The following IRGM variants were observed in gnomAD, a reference collection of about 807,000 sequenced individuals.
The protein encoded by IRGM is immunity related GTPase M, also known as immunity-related GTPase family M protein.
For missense variants in IRGM, 288 were observed against 219.9 expected, an observed-to-expected ratio of 1.31 and a Z score of -1.96; for synonymous variants, 98 against 80.6, an observed-to-expected ratio of 1.22 and a Z score of -1.16.
chr5:150,868,297 T>C (rs1450096706), intron 1 of IRGM, among the ~76,000 whole-genome samples: 2 of 152,302 alleles, frequency 1.3e-5, no homozygotes, highest in East Asian at 3.9e-4. Flanking sequence ...TTTGGGTTTA[T>C]TTCTGGGTTC....
At chr5:150,878,138 A>G in intron 2 of IRGM, 1 of 416,832 alleles carries the variant, frequency 2.4e-6, no homozygotes, top group South Asian at 1.7e-5. Flanking sequence ...ATCTTCACTG[A>G]TTTTAGTAAG....
At chr5:150,879,299 G>C (rs1436545980) in intron 2 of IRGM, among the ~76,000 whole-genome samples, 1 of 152,116 alleles carries the variant, frequency 6.6e-6, no homozygotes, top group Non-Finnish European at 1.5e-5. Flanking sequence ...TGTAGATGAG[G>C]TCTGTATTAC....
chr5:150,892,288 A>G (rs2113300937), intron 3 of IRGM, among the ~76,000 whole-genome samples: 1 of 144,234 alleles, frequency 6.9e-6, no homozygotes, highest in Middle Eastern at 3.4e-3. Flanking sequence ...GAACCAATTC[A>G]GAAAACGGTG....
intron 1 of IRGM, 38 bp downstream of exon 1, chr5:150,847,258 G>A: frequency 6.6e-6 from 1 of 152,540 alleles, no homozygotes; most frequent in South Asian, 2.1e-4. Context: ...CTTCAAGTAA[G>A]CAATGGGAAT....
intron 1 of IRGM, among the ~76,000 whole-genome samples, chr5:150,864,988 C>A (rs1026211450): frequency 1.3e-5 from 2 of 152,190 alleles, no homozygotes; most frequent in African/African-American, 2.4e-5. Flanking sequence ...CTTCACAGAC[C>A]ATTTCCCATC....
chr5:150,895,607 T>C (rs1754728972), intron 3 of IRGM: 3 of 1,613,380 alleles, frequency 1.9e-6, no homozygotes, highest in Non-Finnish European at 2.5e-6. Context: ...GTTTCTCTCC[T>C]GTATGAATTC....
intron 3 of IRGM, among the ~76,000 whole-genome samples, chr5:150,893,000 C>A (rs115800274): frequency 2.8e-4 from 43 of 152,022 alleles, no homozygotes; most frequent in Non-Finnish European, 5.4e-4. Flanking sequence ...TAGATCACAG[C>A]GTTTTTTTAT....
intron 1 of IRGM, among the ~76,000 whole-genome samples, chr5:150,856,914 T>TTCA (rs150421228): frequency 9.0e-5 from 13 of 144,578 alleles, no homozygotes; most frequent in African/African-American, 3.1e-4. Context: ...TAAATAAATA[T>TTCA]TTATTATTTA....
Position 150,846,609 on chromosome 5 carries a change from C to G in IRGM, c.-1027C>G, listed in dbSNP as rs1233987752. The G allele has an allele frequency of 6.0e-5, 8 of 134,024 alleles. No homozygotes were observed. The highest frequency in any genetic ancestry group is 2.0e-4 in the African/African-American group (6 of 30,164). The allele number at this position is 134,024 out of a possible 1,614,324, so 8.3% of individuals were successfully genotyped here. ...TCTTGCTGCTGCTCATTCTTTGGGT[C>G]CACACTGCCTTTATGAGCTGTAACA... is the stretch of plus-strand genomic sequence containing the variant. On this transcript the variant is annotated 5_prime_UTR_variant, in exon 1 of 2. Coordinates refer to ENST00000522154, the MANE Select transcript of IRGM (RefSeq NM_001145805.2).
At chr5:150,896,992 CAATTT>C (rs781568980) in intron 3 of IRGM, 1 of 1,580,814 alleles carries the variant, frequency 6.3e-7, no homozygotes, top group Non-Finnish European at 8.6e-7. Flanking sequence ...AGAAAAGATA[CAATTT>C]AAGAGTCATC....
intron 3 of IRGM, among the ~76,000 whole-genome samples, chr5:150,899,311 T>G (rs1754911316): frequency 6.6e-6 from 1 of 151,992 alleles, no homozygotes; most frequent in Non-Finnish European, 1.5e-5. Flanking sequence ...GGAATAAAAA[T>G]TTAAACTCTA....
At chr5:150,895,053 C>G (rs115469051) in intron 3 of IRGM, 1 of 166,810 alleles carries the variant, frequency 6.0e-6, no homozygotes, top group Non-Finnish European at 1.3e-5. Flanking sequence ...CTTTCTTCCA[C>G]GTCTTTTATA....
chr5:150,847,780 C>T lies in IRGM; in HGVS notation c.-344C>T, dbSNP rs1357052776. On this transcript the variant is annotated 5_prime_UTR_variant, in exon 2 of 2. Transcript: ENST00000522154. ...CACACTCTATTAGCTGCATCCTTAA[C>T]CTCTTTTTGCCACACCATAAGCATT... 4 of 252,668 alleles carry T rather than the reference C, an allele frequency of 1.6e-5. No individual in the cohort carries two copies. The South Asian group carries it at 2.2e-4, about 14-fold the overall frequency. 15.7% of individuals were successfully genotyped at this position (252,668 alleles called of 1,614,324 possible).
chr5:150,881,473 T>G (rs1754444043), intron 3 of IRGM, among the ~76,000 whole-genome samples: 1 of 151,862 alleles, frequency 6.6e-6, no homozygotes, highest in Non-Finnish European at 1.5e-5. Flanking sequence ...TACAAAAAAA[T>G]GCTAAAGAGA....
intron 3 of IRGM, among the ~76,000 whole-genome samples, chr5:150,893,084 T>C (rs1445609312): frequency 6.6e-6 from 1 of 152,132 alleles, no homozygotes; most frequent in Non-Finnish European, 1.5e-5. Flanking sequence ...CTGCTATACA[T>C]TGTCCTCTAT....
intron 1 of IRGM, among the ~76,000 whole-genome samples, chr5:150,868,427 T>C (rs1754236474): frequency 6.6e-6 from 1 of 152,180 alleles, no homozygotes; most frequent in Admixed American, 6.6e-5. Context: ...ATTTGTTCTT[T>C]TTGCTTAGTA....
At chr5:150,869,584 A>G (rs1321550905) in intron 1 of IRGM, among the ~76,000 whole-genome samples, 1 of 152,214 alleles carries the variant, frequency 6.6e-6, no homozygotes, top group Non-Finnish European at 1.5e-5. Context: ...ATCTGAAAGA[A>G]TTTAACTGTG....
At chr5:150,868,753 G>A (rs1413336015) in intron 1 of IRGM, among the ~76,000 whole-genome samples, 1 of 152,058 alleles carries the variant, frequency 6.6e-6, no homozygotes, top group Non-Finnish European at 1.5e-5. Context: ...TATTATAAAA[G>A]CAGTTACATT....
intron 2 of IRGM, among the ~76,000 whole-genome samples, chr5:150,879,401 C>A (rs1186156508): frequency 1.3e-5 from 2 of 152,182 alleles, no homozygotes; most frequent in African/African-American, 4.8e-5. Context: ...AATTTAAGCA[C>A]TAAAGAATTA....
Sources: allele counts gnomAD v4.1 joint callset (sites outside exome capture counted in the v4.1 genomes callset), GRCh38; gene constraint gnomAD v4.1.1; transcripts MANE v1.5; gene names NCBI Gene and HGNC (gene_info 2026-07-23, HGNC 2026-07-21).